The following PTPRU variants were observed in gnomAD, a reference collection of about 807,000 sequenced individuals.
PTPRU encodes protein tyrosine phosphatase receptor type U.
A neutral mutation model predicts 166.3 loss-of-function variants in PTPRU; 69 were observed. The ratio of observed to expected loss-of-function variants is 0.41; its 90% CI spans 0.34 to 0.51. The LOEUF (loss-of-function observed/expected upper bound fraction) is 0.51, where lower values mean the gene tolerates loss of function less well. Ranked by LOEUF, PTPRU falls within the 20% of genes least tolerant of loss-of-function variation. The pLI is 0.09. For synonymous variants in PTPRU, 793 were observed against 814.0 expected (o/e 0.97, Z 0.44); for missense variants, 1,657 against 2,013.7 (o/e 0.82, Z 3.39).
At chr1:29,301,522 A>C (rs1368261428) in intron 15 of PTPRU, among the ~76,000 whole-genome samples, 1 of 152,216 alleles carries the variant, frequency 6.6e-6, no homozygotes, top group Non-Finnish European at 1.5e-5. Context: ...TAAAAAGTTA[A>C]CTGTAAAACA....
rs1686743113 is a variant in PTPRU, at chr1:29,293,488, T to TG, written c.2476+1462_2476+1463insG. Among the ~76,000 whole-genome samples the TG allele has an allele frequency of 2.0e-5, 3 of 151,178 alleles. No homozygotes were observed. In the South Asian group the frequency reaches 6.3e-4, roughly 32 times the overall value. Reference sequence around the variant, plus strand: ...CGGGGGTAGTTTTTTGTTTTTTTTTTTTTTGAGACGGAGTCTCCCTCTGTC... The same window carrying TG: ...CGGGGGTAGTTTTTTGTTTTTTTTTTGTTTTGAGACGGAGTCTCCCTCTGTC... On this transcript the variant is annotated intron_variant, in intron 15 of 29. Coordinates refer to ENST00000373779, the MANE Select transcript of PTPRU (RefSeq NM_133178.4).
intron 11 of PTPRU, among the ~76,000 whole-genome samples, chr1:29,281,368 C>G (rs541718831): frequency 2.0e-5 from 3 of 152,224 alleles, no homozygotes; most frequent in Non-Finnish European, 4.4e-5. Flanking sequence ...GCCACTGAGT[C>G]TGGGATGGGT....
intron 1 of PTPRU, among the ~76,000 whole-genome samples, chr1:29,246,359 A>G (rs1036904525): frequency 1.3e-5 from 2 of 152,188 alleles, no homozygotes; most frequent in Admixed American, 6.5e-5. Context: ...GAGTGTCCTC[A>G]CTGCCCCACG....
intron 1 of PTPRU, among the ~76,000 whole-genome samples, chr1:29,240,319 G>A (rs1395170004): frequency 1.3e-5 from 2 of 152,196 alleles, no homozygotes; most frequent in African/African-American, 2.4e-5. Flanking sequence ...CAGACTGAGA[G>A]CTGAGGACAG....
Position 29,259,665 on chromosome 1 carries a change from C to T in PTPRU, c.675+101C>T, listed in dbSNP as rs529322561. ...CAGATTGCTGAGTCCCTGCTTCATA[C>T]TCCAGCACTGCGCACAGCGTCCCGG... On this transcript the variant is annotated intron_variant, in intron 5 of 29. Transcript: ENST00000373779. 1.0e-5 allele frequency: 13 copies of T among 1,288,738 alleles called. No homozygotes were observed. The African/African-American group carries it at 1.3e-4, about 13-fold the overall frequency. The allele number at this position is 1,288,738 out of a possible 1,614,324, so 79.8% of individuals were successfully genotyped here.
chr1:29,300,344 A>C (rs1687083090), intron 15 of PTPRU, among the ~76,000 whole-genome samples: 1 of 152,208 alleles, frequency 6.6e-6, no homozygotes, highest in South Asian at 2.1e-4. Flanking sequence ...TCTCTTGAAG[A>C]TTTAAAATGC....
intron 18 of PTPRU, 104 bp downstream of exon 18, chr1:29,305,532 G>T (rs370623222): frequency 8.4e-7 from 1 of 1,197,528 alleles, no homozygotes; most frequent in Non-Finnish European, 1.2e-6. Context: ...GGTTCAAATG[G>T]CTGAGTTCGG....
Position 29,304,758 on chromosome 1 carries a change from C to G in PTPRU, c.2668-16C>G. ...GGTCCCTCTCTCCCACTGACCACCA[C>G]TTTTCTTTCTGGTAGAGCTTCTTTG... On this transcript the variant is annotated splice_polypyrimidine_tract_variant and intron_variant, in intron 16 of 29. Transcript: ENST00000373779. 6.2e-7 allele frequency: 1 copy of G among 1,602,000 alleles called. No individual in the cohort carries two copies.
intron 7 of PTPRU, among the ~76,000 whole-genome samples, chr1:29,269,247 T>TATATATATATA (rs56668800): frequency 4.1e-5 from 1 of 24,332 alleles, no homozygotes; most frequent in African/African-American, 1.4e-4. Context: ...TATATATATA[T>TATATATATATA]TTTTTTTTTT....
At chr1:29,249,089 C>T (rs1158029817) in intron 1 of PTPRU, among the ~76,000 whole-genome samples, 1 of 152,208 alleles carries the variant, frequency 6.6e-6, no homozygotes, top group Non-Finnish European at 1.5e-5. Context: ...CGGTCTTCCG[C>T]CTCCCATTTG....
At chr1:29,283,863 C>T in intron 12 of PTPRU, 77 bp from the exon 13 acceptor site, 3 of 1,549,572 alleles carry the variant, frequency 1.9e-6, no homozygotes, top group East Asian at 2.2e-5. Context: ...GCCCAAGAAA[C>T]GCTGTCTGAG....
Position 29,252,303 on chromosome 1 carries a change from T to C in PTPRU, c.74-2972T>C, listed in dbSNP as rs1228274629. ...TTTTTTTTGAGACAGAGTCACACTCTGTCACCCTGGCTGGAGTGCAGGGGT... is the reference window on the plus strand; with the variant it reads ...TTTTTTTTGAGACAGAGTCACACTCCGTCACCCTGGCTGGAGTGCAGGGGT... On this transcript the variant is annotated intron_variant, in intron 1 of 29. Transcript: ENST00000373779. 2.7e-5 allele frequency among the ~76,000 whole-genome samples: 4 copies of C among 147,948 alleles called. No homozygotes were observed. In the Admixed American group the frequency reaches 2.7e-4, roughly 10 times the overall value.
rs140481299 is a variant in PTPRU at position 29,280,649 on chromosome 1, C to CTGTG, written c.1868+536_1868+539dup. ...TGGGGAGAGGGTGCTGGAGACAAGACTGTGTGTGTGTGTGTGTGTGTGTGT... is the reference window on the plus strand; with the variant it reads ...TGGGGAGAGGGTGCTGGAGACAAGACTGTGTGTGTGTGTGTGTGTGTGTGTGTGT... On this transcript the variant is annotated intron_variant, in intron 11 of 29. Transcript: ENST00000373779. This position sits in a 1 kb window ranked among gnomAD's most constrained non-coding sequence, Gnocchi z 4.2. Among the ~76,000 whole-genome samples the CTGTG allele has an allele frequency of 0.06, 8,677 of 144,034 alleles. 502 individuals are homozygous for CTGTG. The highest frequency in any genetic ancestry group is 0.16 in the African/African-American group (6,220 of 39,128). 94.5% of individuals were successfully genotyped at this position (144,034 alleles called of 152,430 possible).
At position 29,284,831 on chromosome 1, in the gene PTPRU, C is replaced by G. The variant is rs768904318; in HGVS notation, c.2280C>G (p.Ile760Met). Residue 760 changes from isoleucine to methionine, a missense_variant, in exon 14 of 30, where the codon ATC (isoleucine) becomes ATG (methionine). By Grantham distance (10) the Ile-to-Met change is conservative. Around this residue, in one of 3 missense-constraint regions of PTPRU, gnomAD observed 1,190 missense variants for 1,477.4 expected, o/e 0.81. Transcript: ENST00000373779. ...GICAGGLAVLILLLGAIIVII... is the reference protein window; with the variant it reads ...GICAGGLAVLMLLLGAIIVII... The stretch of plus-strand genomic sequence containing the variant: ...GTGCAGGGGGGCTTGCTGTCCTCAT[C>G]CTTCTCCTGGGTGCCATCATTGTCA... The G allele has an allele frequency of 6.2e-7, 1 of 1,613,222 alleles. No homozygotes were observed. Among genetic ancestry groups the G allele is most frequent in the Admixed American group, 1.7e-5 (1 of 59,946 alleles).
Position 29,259,918 on chromosome 1 carries a change from C to T in PTPRU, c.724C>T (p.His242Tyr), listed in dbSNP as rs1247393831. ...VPAAGVRHIS[H>Y]RRFLATFPLA... is the part of the protein sequence containing the mutation. ...GGCGGCGGGCGTGCGGCACATCAGCCACCGGCGCTTCCTGGCCACTTTCCC... is the reference window on the plus strand; with the variant it reads ...GGCGGCGGGCGTGCGGCACATCAGCTACCGGCGCTTCCTGGCCACTTTCCC... The change falls in exon 6 of 30, where the codon CAC becomes TAC. Residue 242 changes from histidine to tyrosine, a missense_variant. His to Tyr is a moderately conservative substitution (Grantham distance 83). Coordinates refer to ENST00000373779, the MANE Select transcript of PTPRU (RefSeq NM_133178.4). 10 of 1,533,002 alleles carry T rather than the reference C, an allele frequency of 6.5e-6. No homozygotes were observed. The highest frequency in any genetic ancestry group is 8.7e-6 in the Non-Finnish European group (10 of 1,146,030). The allele number at this position is 1,533,002 out of a possible 1,614,324, so 95.0% of individuals were successfully genotyped here.
intron 27 of PTPRU, 24 bp from the exon 28 acceptor site, chr1:29,323,607 C>A: frequency 6.2e-7 from 1 of 1,613,536 alleles, no homozygotes; most frequent in Non-Finnish European, 8.5e-7. Context: ...CATGTCCTCC[C>A]TGGCTGGCTG....
Position 29,238,161 on chromosome 1 carries a change from G to GGTGTGCGTGCGCGTGTGT in PTPRU, c.73+1452_73+1469dup, listed in dbSNP as rs1683868913. 6.6e-6 allele frequency among the ~76,000 whole-genome samples: 1 copy of GGTGTGCGTGCGCGTGTGT among 151,870 alleles called. No individual in the cohort carries two copies. The highest frequency in any genetic ancestry group is 1.5e-5 in the Non-Finnish European group (1 of 67,924). The stretch of plus-strand genomic sequence containing the variant: ...GTGTGTTTCGGAGTCTGGTGTCTTT[G>GGTGTGCGTGCGCGTGTGT]GTGTGCGTGCGCGTGTGTGTGTGCG... On this transcript the variant is annotated intron_variant, in intron 1 of 29. Transcript: ENST00000373779. The surrounding 1 kb of genome is among the most constrained non-coding windows in gnomAD (Gnocchi z 6.1).
At position 29,303,870 on chromosome 1, in the gene PTPRU, G is replaced by C; in HGVS notation, c.2492G>C (p.Gly831Ala). 6.2e-7 allele frequency: 1 copy of C among 1,610,948 alleles called. No individual in the cohort carries two copies. Among genetic ancestry groups the C allele is most frequent in the Non-Finnish European group, 8.5e-7 (1 of 1,177,566 alleles). ...GYSTRGDQRS[G>A]GVTEASSLLG... ...CTGACTGCAGGAGACCAGCGCAGCGGTGGGGTCACTGAGGCCAGCAGCCTC... is the reference window on the plus strand; with the variant it reads ...CTGACTGCAGGAGACCAGCGCAGCGCTGGGGTCACTGAGGCCAGCAGCCTC... Residue 831 changes from glycine (G) to alanine (A), a missense_variant, in exon 16 of 30, where the codon GGT becomes GCT. Around this residue, in one of 3 missense-constraint regions of PTPRU, gnomAD observed 1,190 missense variants for 1,477.4 expected, o/e 0.81. Transcript: ENST00000373779.
rs1197397307 is a variant in PTPRU at position 29,238,453 on chromosome 1, C to G, written c.73+1736C>G. Reference sequence around the variant, plus strand: ...ATCCGAGCCGAGACACGTGCTGGAGCGGAGCCGCTTCCTCACGGTCGCCAG... The same window carrying G: ...ATCCGAGCCGAGACACGTGCTGGAGGGGAGCCGCTTCCTCACGGTCGCCAG... On this transcript the variant is annotated intron_variant, in intron 1 of 29. Transcript: ENST00000373779. The surrounding 1 kb of genome is among the most constrained non-coding windows in gnomAD (Gnocchi z 6.1). Among the ~76,000 whole-genome samples the G allele has an allele frequency of 6.6e-6, 1 of 152,154 alleles. No individual in the cohort carries two copies. Among genetic ancestry groups the G allele is most frequent in the Non-Finnish European group, 1.5e-5 (1 of 68,016 alleles).
Sources: allele counts gnomAD v4.1 joint callset (sites outside exome capture counted in the v4.1 genomes callset), GRCh38; gene constraint gnomAD v4.1.1; regional missense constraint gnomAD v4.1.1; non-coding constraint Gnocchi (gnomAD v3.1); transcripts MANE v1.5; gene names NCBI Gene and HGNC (gene_info 2026-07-23, HGNC 2026-07-21).